The following FGGY variants were observed in gnomAD, a reference collection of about 807,000 sequenced individuals.
The protein encoded by FGGY is FGGY carbohydrate kinase domain-containing protein.
Under a neutral mutation model 71.3 loss-of-function variants are expected in FGGY, and 72 were observed. The observed-to-expected ratio is 1.01, with a 90% confidence interval of 0.84 to 1.23. The LOEUF (loss-of-function observed/expected upper bound fraction) is 1.23. FGGY is among the 50% of genes most tolerant of loss of function. The pLI is 0.00. For synonymous variants in FGGY, 251 were observed against 250.3 expected, an observed-to-expected ratio of 1.00 and a Z score of -0.02; for missense variants, 668 against 682.3, an observed-to-expected ratio of 0.98 and a Z score of 0.23.
At chr1:59,371,877 C>A (rs1440448998) in intron 4 of FGGY, among the ~76,000 whole-genome samples, 2 of 152,170 alleles carry the variant, frequency 1.3e-5, no homozygotes, top group African/African-American at 4.8e-5. Context: ...ACAGACACAA[C>A]ATACCAGAAT....
intron 15 of FGGY, among the ~76,000 whole-genome samples, chr1:59,759,674 G>T (rs2098326195): frequency 1.3e-5 from 2 of 152,230 alleles, no homozygotes; most frequent in Admixed American, 1.3e-4. Context: ...AAGGAGACAG[G>T]AGAAGCCAGT....
chr1:59,547,639 A>G (rs1038982891), intron 7 of FGGY, among the ~76,000 whole-genome samples: 2 of 152,204 alleles, frequency 1.3e-5, no homozygotes, highest in East Asian at 1.9e-4. Flanking sequence ...TAATATTTGC[A>G]AAGTGTCAAG....
At chr1:59,736,839 C>T (rs142083810) in intron 14 of FGGY, among the ~76,000 whole-genome samples, 8 of 152,336 alleles carry the variant, frequency 5.3e-5, no homozygotes, top group Non-Finnish European at 1.2e-4. Flanking sequence ...AGGAGCCGAA[C>T]GTTAATCCCC....
chr1:59,530,657 C>T (rs912907264), intron 7 of FGGY, among the ~76,000 whole-genome samples: 6 of 152,120 alleles, frequency 3.9e-5, no homozygotes, highest in South Asian at 2.1e-4. Flanking sequence ...ATGGACAAGA[C>T]GGCTAGGCAG....
intron 10 of FGGY, among the ~76,000 whole-genome samples, chr1:59,629,962 C>A (rs974765167): frequency 6.6e-6 from 1 of 152,060 alleles, no homozygotes; most frequent in Admixed American, 6.5e-5. Context: ...TGAAGAAATA[C>A]CTGAGACTGG....
At chr1:59,423,566 G>C (rs1472819318) in intron 5 of FGGY, among the ~76,000 whole-genome samples, 4 of 152,098 alleles carry the variant, frequency 2.6e-5, no homozygotes, top group Non-Finnish European at 5.9e-5. Flanking sequence ...TTCTCAGGGG[G>C]ATCCTCTTTC....
At chr1:59,571,462 G>T (rs1434774898) in intron 8 of FGGY, among the ~76,000 whole-genome samples, 3 of 152,184 alleles carry the variant, frequency 2.0e-5, no homozygotes, top group African/African-American at 4.8e-5. Flanking sequence ...ACCTTGATAA[G>T]TGCTTTGCTT....
At chr1:59,407,218 T>C (rs2062895798) in intron 5 of FGGY, among the ~76,000 whole-genome samples, 1 of 152,198 alleles carries the variant, frequency 6.6e-6, no homozygotes, top group African/African-American at 2.4e-5. Flanking sequence ...CCTTTGTCCT[T>C]TTAGCTGATG....
intron 7 of FGGY, among the ~76,000 whole-genome samples, chr1:59,545,000 G>A (rs1406714347): frequency 2.0e-5 from 3 of 152,126 alleles, no homozygotes; most frequent in Admixed American, 6.5e-5. Context: ...CCTGCTTTAG[G>A]AGCCCCTGCC....
At chr1:59,346,541 T>C (rs546997186) in intron 4 of FGGY, 143 bp downstream of exon 4, 1 of 895,234 alleles carries the variant, frequency 1.1e-6, no homozygotes, top group African/African-American at 1.7e-5. Flanking sequence ...TCCCATTTTA[T>C]TGATTACAGT....
intron 8 of FGGY, among the ~76,000 whole-genome samples, chr1:59,590,595 C>T (rs531452049): frequency 6.6e-6 from 1 of 152,288 alleles, no homozygotes; most frequent in East Asian, 1.9e-4. Context: ...CCACCATGAT[C>T]AAGTGGGCTT....
At chr1:59,493,096 A>AACACACGCACACACAC (rs1553245705) in intron 6 of FGGY, among the ~76,000 whole-genome samples, 2 of 143,024 alleles carry the variant, frequency 1.4e-5, no homozygotes, top group Admixed American at 7.1e-5. Context: ...TACCAAACAA[A>AACACACGCACACACAC]ACACACACAC....
intron 9 of FGGY, among the ~76,000 whole-genome samples, chr1:59,609,489 A>G (rs1346250417): frequency 6.6e-6 from 1 of 152,224 alleles, no homozygotes; most frequent in African/African-American, 2.4e-5. Flanking sequence ...TTGAATGAGG[A>G]CAGTAATAAT....
chr1:59,699,284 T>C, intron 14 of FGGY: 1 of 985,110 alleles, frequency 1.0e-6, no homozygotes, highest in Non-Finnish European at 1.2e-6. Flanking sequence ...TAAAAGGAAA[T>C]TAAAAATTCA....
chr1:59,556,576 G>A (rs2095689765), intron 8 of FGGY, among the ~76,000 whole-genome samples: 1 of 152,210 alleles, frequency 6.6e-6, no homozygotes, highest in South Asian at 2.1e-4. Flanking sequence ...GGAATGGTGA[G>A]AACATGGGCT....
intron 5 of FGGY, among the ~76,000 whole-genome samples, chr1:59,405,179 A>C (rs533533737): frequency 6.6e-6 from 1 of 152,354 alleles, no homozygotes; most frequent in South Asian, 2.1e-4. Context: ...TTTAATTATA[A>C]GATCCTGAAG....
At chr1:59,445,459 G>A (rs944990941) in intron 5 of FGGY, among the ~76,000 whole-genome samples, 2 of 152,130 alleles carry the variant, frequency 1.3e-5, no homozygotes, top group African/African-American at 4.8e-5. Flanking sequence ...AGCTCTGAAT[G>A]TTCTGGAAGC....
intron 14 of FGGY, among the ~76,000 whole-genome samples, chr1:59,746,527 G>A (rs574674582): frequency 4.6e-5 from 7 of 152,090 alleles, no homozygotes; most frequent in Non-Finnish European, 7.4e-5. Context: ...TTACTGTGTC[G>A]CCCAGGCTGG....
At chr1:59,442,981 C>A (rs780435962) in intron 5 of FGGY, among the ~76,000 whole-genome samples, 1 of 152,066 alleles carries the variant, frequency 6.6e-6, no homozygotes, top group Non-Finnish European at 1.5e-5. Context: ...TATCACTGAG[C>A]AAAATCAAGG....
Sources: gnomAD v4.1 joint callset for allele counts (sites outside exome capture counted in the v4.1 genomes callset) on GRCh38, gnomAD v4.1.1 for gene constraint, MANE v1.5 for transcripts, NCBI Gene and HGNC (gene_info 2026-07-23, HGNC 2026-07-21) for gene names.